The following RGS6 variants were observed in gnomAD, a reference collection of about 807,000 sequenced individuals.
RGS6 encodes regulator of G protein signaling 6.
A neutral mutation model predicts 78.5 loss-of-function variants in RGS6; 30 were observed. That is an observed-to-expected ratio of 0.38 (90% CI 0.29 to 0.52). The LOEUF (loss-of-function observed/expected upper bound fraction) is 0.52, where lower values mean the gene tolerates loss of function less well. Among genes scored for constraint, RGS6 ranks in the 20% least tolerant of loss-of-function variants. The pLI, the probability that RGS6 is intolerant of heterozygous loss-of-function variation, is 0.85. For synonymous variants in RGS6, 206 were observed against 206.0 expected (o/e 1.00, Z 0.00); for missense variants, 495 against 609.7 (o/e 0.81, Z 1.98).
At chr14:71,923,989 TTTTG>T in the RGS6 span, among the ~76,000 whole-genome samples, 2 of 152,174 alleles carry the variant, frequency 1.3e-5, no homozygotes, top group Non-Finnish European at 2.9e-5. Flanking sequence ...CTGCCGAGGA[TTTTG>T]TTTGGGGAAA....
At chr14:72,434,692 A>G (rs187940766) in intron 3 of RGS6, among the ~76,000 whole-genome samples, 6 of 152,240 alleles carry the variant, frequency 3.9e-5, no homozygotes, top group African/African-American at 1.4e-4. Flanking sequence ...CCAGCAGTCA[A>G]CATAGTCCTA....
chr14:72,369,141 C>A (rs544204278), intron 3 of RGS6, among the ~76,000 whole-genome samples: 103 of 152,238 alleles, frequency 6.8e-4, no homozygotes, highest in African/African-American at 2.4e-3. Flanking sequence ...CACATGTGGC[C>A]CATGGGCCAT....
intron 3 of RGS6, among the ~76,000 whole-genome samples, chr14:72,376,635 C>T (rs984960648): frequency 2.0e-5 from 3 of 152,032 alleles, no homozygotes; most frequent in East Asian, 3.8e-4. Context: ...GCAGATTTCT[C>T]ATCAGAAACC....
chr14:72,419,358 A>G (rs1251813398), intron 3 of RGS6, among the ~76,000 whole-genome samples: 2 of 152,208 alleles, frequency 1.3e-5, no homozygotes, highest in African/African-American at 4.8e-5. Context: ...CAATGGAGGC[A>G]CAGAGAAGTT....
intron 2 of RGS6, among the ~76,000 whole-genome samples, chr14:72,096,280 T>TAA (rs34691700): frequency 2.4e-4 from 35 of 144,164 alleles, no homozygotes; most frequent in African/African-American, 8.2e-4. Flanking sequence ...GACTCTGTCT[T>TAA]AAAAAAAAAA....
chr14:72,058,569 T>G (rs1470616043), intron 2 of RGS6, among the ~76,000 whole-genome samples: 1 of 152,292 alleles, frequency 6.6e-6, no homozygotes, highest in East Asian at 1.9e-4. Flanking sequence ...AAAACATAAT[T>G]AGTTGTCATC....
chr14:72,075,944 C>T (rs2094558302), intron 2 of RGS6, among the ~76,000 whole-genome samples: 1 of 152,342 alleles, frequency 6.6e-6, no homozygotes, highest in East Asian at 1.9e-4. Flanking sequence ...GCTCTTCTGA[C>T]ACAAGGCTCT....
intron 2 of RGS6, among the ~76,000 whole-genome samples, chr14:72,077,367 C>T (rs2094617252): frequency 6.6e-6 from 1 of 151,988 alleles, no homozygotes; most frequent in Admixed American, 6.6e-5. Context: ...CAAATATTCT[C>T]TCATGTTTTC....
At chr14:71,922,394 T>C in the RGS6 span, among the ~76,000 whole-genome samples, 1 of 152,214 alleles carries the variant, frequency 6.6e-6, no homozygotes, top group South Asian at 2.1e-4. Flanking sequence ...GTCTCTCCCC[T>C]GTGGTATATT....
Position 72,349,194 on chromosome 14 carries a change from T to C in RGS6, c.85-2901T>C, listed in dbSNP as rs578246870. 7.2e-5 allele frequency among the ~76,000 whole-genome samples: 11 copies of C among 152,200 alleles called. No individual in the cohort carries two copies. In the East Asian group the frequency reaches 1.4e-3, roughly 19 times the overall value. ...AAATATATATAAAATAAAAAATAAA[T>C]AAACTTTTATTGCTTGCTCATGAGT... On this transcript the variant is annotated intron_variant, in intron 2 of 17. Transcript: ENST00000553525.
intron 2 of RGS6, among the ~76,000 whole-genome samples, chr14:72,116,905 A>C (rs1182008880): frequency 7.0e-6 from 1 of 142,964 alleles, no homozygotes; most frequent in Non-Finnish European, 1.5e-5. Flanking sequence ...CGGAGGTTGC[A>C]GTGAGCTGAG....
chr14:72,221,245 A>G (rs1299692568), intron 2 of RGS6, among the ~76,000 whole-genome samples: 1 of 152,222 alleles, frequency 6.6e-6, no homozygotes, highest in Non-Finnish European at 1.5e-5. Flanking sequence ...TATGTCTACA[A>G]AATTTGCATA....
intron 1 of RGS6, among the ~76,000 whole-genome samples, chr14:71,949,867 G>A (rs981117960): frequency 6.6e-6 from 1 of 151,012 alleles, no homozygotes; most frequent in Non-Finnish European, 1.5e-5. Context: ...TGTGATAAAG[G>A]CATCCGTATT....
At chr14:72,337,706 G>A (rs1463978870) in intron 2 of RGS6, among the ~76,000 whole-genome samples, 1 of 152,174 alleles carries the variant, frequency 6.6e-6, no homozygotes, top group Non-Finnish European at 1.5e-5. Flanking sequence ...TGTTGCAGAA[G>A]AGCTACAGGG....
At chr14:72,056,188 G>T (rs2093609353) in intron 2 of RGS6, among the ~76,000 whole-genome samples, 2 of 152,138 alleles carry the variant, frequency 1.3e-5, no homozygotes, top group African/African-American at 4.8e-5. Flanking sequence ...ATTTACAGAT[G>T]GGGGGATGTG....
chr14:71,898,645 G>T, the RGS6 span, among the ~76,000 whole-genome samples: 2 of 152,100 alleles, frequency 1.3e-5, no homozygotes, highest in Non-Finnish European at 2.9e-5. Context: ...TTAGGTATTT[G>T]GCCTAATGCT....
chr14:72,629,706 T>C, the RGS6 span: 1 of 1,536,086 alleles, frequency 6.5e-7, no homozygotes. Context: ...CTCGGTCATG[T>C]TCAGGGTAAA....
At chr14:72,293,460 T>C (rs2064035333) in intron 2 of RGS6, among the ~76,000 whole-genome samples, 1 of 152,062 alleles carries the variant, frequency 6.6e-6, no homozygotes, top group African/African-American at 2.4e-5. Context: ...GTTTTCTCTC[T>C]CCCTCTCCCT....
intron 1 of RGS6, among the ~76,000 whole-genome samples, chr14:71,954,433 A>G (rs919214350): frequency 6.6e-6 from 1 of 152,042 alleles, no homozygotes; most frequent in East Asian, 1.9e-4. Flanking sequence ...GTCTTAAAAA[A>G]TTTCTTAAAT....
Sources: gnomAD v4.1 joint callset for allele counts (sites outside exome capture counted in the v4.1 genomes callset) on GRCh38, gnomAD v4.1.1 for gene constraint, MANE v1.5 for transcripts, NCBI Gene and HGNC (gene_info 2026-07-23, HGNC 2026-07-21) for gene names.